Variants in PARD6B observed in about 807,000 individuals in gnomAD.
The protein encoded by PARD6B is par-6 family cell polarity regulator beta.
A neutral mutation model predicts 10.5 loss-of-function variants in PARD6B; 4 were observed. The ratio of observed to expected loss-of-function variants is 0.38; its 90% CI spans 0.19 to 0.87. The LOEUF is 0.87. Ranked by LOEUF, PARD6B falls within the 40% of genes least tolerant of loss-of-function variation. PARD6B has a pLI of 0.41. For synonymous variants in PARD6B, 169 were observed against 170.4 expected, an observed-to-expected ratio of 0.99 and a Z score of 0.07; for missense variants, 396 against 470.6, an observed-to-expected ratio of 0.84 and a Z score of 1.47.
rs1323999775 is a variant in PARD6B at position 50,753,704 on chromosome 20, TA to T, written c.*3217del. 3 of 696,516 alleles carry T rather than the reference TA, an allele frequency of 4.3e-6. No individual in the cohort carries two copies. The highest frequency in any genetic ancestry group is 5.3e-6 in the Non-Finnish European group (3 of 566,238). The allele number at this position is 696,516 out of a possible 1,614,324, so 43.1% of individuals were successfully genotyped here. A position where few individuals can be genotyped will look rare whatever the true frequency, so the allele number is the denominator to read the frequency against. ...AATCAAATTAGCTTTAGTTGTATAT[TA>T]TTTTTTACAAATAAAGATAGACTTG... On this transcript the variant is annotated 3_prime_UTR_variant, in exon 3 of 3. Transcript: ENST00000371610.
At position 50,743,996 on chromosome 20, in the gene PARD6B, A is replaced by G. The variant is rs916672742; in HGVS notation, c.290-5663A>G. On this transcript the variant is annotated intron_variant, in intron 2 of 2. Transcript: ENST00000371610. ...TTTGACACATACCTATTTTTTAGTC[A>G]GTCACCAAGCCTATTAAAACTGTGT... Among the ~76,000 whole-genome samples the G allele has an allele frequency of 2.6e-5, 4 of 151,776 alleles. No individual in the cohort carries two copies. The East Asian group carries it at 5.8e-4, about 22-fold the overall frequency.
rs2087605421 is a variant in PARD6B at position 50,751,059 on chromosome 20, C to A, written c.*571C>A. ...ATCACAGCTCTCTGCAGCCTCAATC[C>A]CCTGGGCTCAAGCAGTCCTCCCACC... On this transcript the variant is annotated 3_prime_UTR_variant, in exon 3 of 3. Coordinates refer to ENST00000371610, the MANE Select transcript of PARD6B (RefSeq NM_032521.3). The A allele has an allele frequency of 1.8e-6, 1 of 554,410 alleles. No individual in the cohort carries two copies. The highest frequency in any genetic ancestry group is 2.3e-6 in the Non-Finnish European group (1 of 441,168). 34.3% of individuals were successfully genotyped at this position (554,410 alleles called of 1,614,324 possible).
At chr20:50,741,160 C>A (rs1391819551) in intron 2 of PARD6B, among the ~76,000 whole-genome samples, 1 of 152,072 alleles carries the variant, frequency 6.6e-6, no homozygotes, top group East Asian at 1.9e-4. Context: ...GGGGTGTCAC[C>A]ATGTTGGCCA....
In PARD6B at chr20:50,731,767, C is replaced by T; in HGVS notation, c.-20C>T. ...GGGCCGCCCGGCCGGAGGAGGCCGTCGCGGGGCTCGGCGTTCAGCATGAAC... is the reference window on the plus strand; with the variant it reads ...GGGCCGCCCGGCCGGAGGAGGCCGTTGCGGGGCTCGGCGTTCAGCATGAAC... On this transcript the variant is annotated 5_prime_UTR_variant, in exon 1 of 3. Transcript: ENST00000371610. 6.9e-7 allele frequency: 1 copy of T among 1,446,306 alleles called. No homozygotes were observed. The highest frequency in any genetic ancestry group is 9.1e-7 in the Non-Finnish European group (1 of 1,104,886). 89.6% of individuals were successfully genotyped at this position (1,446,306 alleles called of 1,614,324 possible).
At position 50,750,729 on chromosome 20, in the gene PARD6B, G is replaced by A. The variant is rs759723891; in HGVS notation, c.*241G>A. 3.7e-5 allele frequency: 47 copies of A among 1,276,630 alleles called. No homozygotes were observed. Among genetic ancestry groups the A allele is most frequent in the Non-Finnish European group, 4.5e-5 (45 of 1,008,838 alleles). 79.1% of individuals were successfully genotyped at this position (1,276,630 alleles called of 1,614,324 possible). ...GCTGATGAAGTTACGTGCTTTTGCT[G>A]TTTTGTCTGTGGAGAATCAGATGTT... is the stretch of plus-strand genomic sequence containing the variant. On this transcript the variant is annotated 3_prime_UTR_variant, in exon 3 of 3. Coordinates refer to ENST00000371610, the MANE Select transcript of PARD6B (RefSeq NM_032521.3).
chr20:50,731,755 G>A lies in PARD6B; in HGVS notation c.-32G>A. 7.0e-7 allele frequency: 1 copy of A among 1,438,282 alleles called. No homozygotes were observed. The highest frequency in any genetic ancestry group is 9.1e-7 in the Non-Finnish European group (1 of 1,101,696). 89.1% of individuals were successfully genotyped at this position (1,438,282 alleles called of 1,614,324 possible). On this transcript the variant is annotated 5_prime_UTR_variant, in exon 1 of 3. Coordinates refer to ENST00000371610, the MANE Select transcript of PARD6B (RefSeq NM_032521.3). ...CGCGCTCCTGAGGGGCCGCCCGGCC[G>A]GAGGAGGCCGTCGCGGGGCTCGGCG...
rs1445418135 is a variant in PARD6B at position 50,753,232 on chromosome 20, C to G, written c.*2744C>G. ...TGCTATTGCTTTTTATTTTAATTAT[C>G]CTGTTAAGGGTATCTATCAATGGTA... On this transcript the variant is annotated 3_prime_UTR_variant, in exon 3 of 3. Coordinates refer to ENST00000371610, the MANE Select transcript of PARD6B (RefSeq NM_032521.3). The G allele has an allele frequency of 1.0e-6, 1 of 984,810 alleles. No individual in the cohort carries two copies. Among genetic ancestry groups the G allele is most frequent in the African/African-American group, 1.7e-5 (1 of 57,144 alleles). The allele number at this position is 984,810 out of a possible 1,614,324, so 61.0% of individuals were successfully genotyped here.
Position 50,750,507 on chromosome 20 carries a change from T to G in PARD6B, c.*19T>G. On this transcript the variant is annotated 3_prime_UTR_variant, in exon 3 of 3. Coordinates refer to ENST00000371610, the MANE Select transcript of PARD6B (RefSeq NM_032521.3). ...ATTATGAAACCGTGGTTTGAATGTT[T>G]TCAGAGTGAGGATGCCATGAGGACT... The G allele has an allele frequency of 6.2e-7, 1 of 1,601,238 alleles. No homozygotes were observed. The highest frequency in any genetic ancestry group is 1.7e-5 in the Admixed American group (1 of 58,988).
Position 50,731,626 on chromosome 20 carries a change from T to C in PARD6B, c.-161T>C. ...GTGTGAGCAGCTGGTGGAGTGGAGC[T>C]CAGCGCGGACGCCGGAGCTGCGGCC... On this transcript the variant is annotated 5_prime_UTR_variant, in exon 1 of 3. Coordinates refer to ENST00000371610, the MANE Select transcript of PARD6B (RefSeq NM_032521.3). 1 of 505,008 alleles carries C rather than the reference T, an allele frequency of 2.0e-6. No individual in the cohort carries two copies. The highest frequency in any genetic ancestry group is 3.3e-6 in the Non-Finnish European group (1 of 298,548). The allele number at this position is 505,008 out of a possible 1,614,324, so 31.3% of individuals were successfully genotyped here.
chr20:50,743,674 A>G lies in PARD6B; in HGVS notation c.289+5595A>G, dbSNP rs181975298. Among the ~76,000 whole-genome samples, 1,510 of 152,200 alleles carry G rather than the reference A, an allele frequency of 9.9e-3. 12 individuals are homozygous for G. The highest frequency in any genetic ancestry group is 0.017 in the Non-Finnish European group (1,187 of 68,004). ...GTGGCCGAGGCGGGCGAATCACAAG[A>G]TCAGGAGATCGAGACCATCCTGGCT... On this transcript the variant is annotated intron_variant, in intron 2 of 2. Transcript: ENST00000371610.
At chr20:50,746,172 G>A (rs2087566923) in intron 2 of PARD6B, among the ~76,000 whole-genome samples, 1 of 152,022 alleles carries the variant, frequency 6.6e-6, no homozygotes, top group South Asian at 2.1e-4. Flanking sequence ...TGAATGTGTG[G>A]TTTATGACCC....
chr20:50,744,161 C>T (rs902862812), intron 2 of PARD6B, among the ~76,000 whole-genome samples: 1 of 125,840 alleles, frequency 7.9e-6, no homozygotes, highest in African/African-American at 3.0e-5. Flanking sequence ...GTTGCCCAGG[C>T]TGGAGTGCAA....
intron 1 of PARD6B, among the ~76,000 whole-genome samples, chr20:50,736,016 G>C (rs1451661031): frequency 2.0e-5 from 3 of 152,240 alleles, no homozygotes; most frequent in Non-Finnish European, 4.4e-5. Flanking sequence ...ACTTTGAAAT[G>C]TGAAGGTGTG....
intron 2 of PARD6B, among the ~76,000 whole-genome samples, chr20:50,745,225 T>A (rs934909013): frequency 6.6e-6 from 1 of 151,898 alleles, no homozygotes; most frequent in Non-Finnish European, 1.5e-5. Flanking sequence ...ACGTCAGGAG[T>A]TCGCCACCAG....
chr20:50,747,209 C>G (rs1262384978), intron 2 of PARD6B, among the ~76,000 whole-genome samples: 1 of 152,158 alleles, frequency 6.6e-6, no homozygotes, highest in Non-Finnish European at 1.5e-5. Flanking sequence ...AAGATACTAG[C>G]CTCGTAAGAA....
chr20:50,738,750 A>G (rs191115599), intron 2 of PARD6B, among the ~76,000 whole-genome samples: 98 of 152,244 alleles, frequency 6.4e-4, no homozygotes, highest in African/African-American at 2.3e-3. Flanking sequence ...GGATGTAAAC[A>G]CTGATATTAA....
chr20:50,752,402 A>G lies in PARD6B; in HGVS notation c.*1914A>G. On this transcript the variant is annotated 3_prime_UTR_variant, in exon 3 of 3. Coordinates refer to ENST00000371610, the MANE Select transcript of PARD6B (RefSeq NM_032521.3). ...ACTGCCTACACTTTATGAAAACTAC[A>G]TAGTATTCACCTGTGACAGGTAGAG... 4.1e-6 allele frequency: 4 copies of G among 985,772 alleles called. No homozygotes were observed. The highest frequency in any genetic ancestry group is 1.1e-4 in the East Asian group (1 of 8,812). The allele number at this position is 985,772 out of a possible 1,614,324, so 61.1% of individuals were successfully genotyped here. A position where few individuals can be genotyped will look rare whatever the true frequency, so the allele number is the denominator to read the frequency against.
At chr20:50,741,792 C>T (rs534002158) in intron 2 of PARD6B, among the ~76,000 whole-genome samples, 128 of 152,172 alleles carry the variant, frequency 8.4e-4, no homozygotes, top group African/African-American at 2.8e-3. Context: ...GTGATCCGCC[C>T]GTCTCGGCCT....
intron 2 of PARD6B, among the ~76,000 whole-genome samples, chr20:50,748,044 G>T (rs2087579042): frequency 6.6e-6 from 1 of 152,184 alleles, no homozygotes; most frequent in South Asian, 2.1e-4. Context: ...GAAAATGAGA[G>T]ATCAAGAATT....
Sources: allele counts gnomAD v4.1 joint callset (sites outside exome capture counted in the v4.1 genomes callset), GRCh38; gene constraint gnomAD v4.1.1; transcripts MANE v1.5; gene names NCBI Gene and HGNC (gene_info 2026-07-23, HGNC 2026-07-21).